PRH1: variants seen among roughly 807,000 people sequenced by gnomAD.
PRH1 encodes salivary acidic proline-rich phosphoprotein 1/2.
A neutral mutation model predicts 7.9 loss-of-function variants in PRH1; 7 were observed. The observed-to-expected ratio is 0.89, with a 90% CI of 0.50 to 1.67. The LOEUF is 1.67. Among genes scored for constraint, PRH1 ranks in the 40% most tolerant of loss-of-function variants. The probability of loss-of-function intolerance (pLI) is 0.00; values close to 1 mark genes in which losing one functional copy is unlikely to be tolerated. For missense variants in PRH1, 109 were observed against 223.6 expected (o/e 0.49, Z 3.27); for synonymous variants, 45 against 80.8 (o/e 0.56, Z 2.38).
chr12:10,986,967 G>T, intron 1 of PRH1: 2 of 781,910 alleles, frequency 2.6e-6, no homozygotes, highest in Non-Finnish European at 3.8e-6. Context: ...TGAATGTGCA[G>T]TAACATTCTT....
At chr12:11,013,373 A>C (rs1417035710) in intron 1 of PRH1, among the ~76,000 whole-genome samples, 5 of 152,162 alleles carry the variant, frequency 3.3e-5, no homozygotes, top group Admixed American at 3.3e-4. Flanking sequence ...TCAACAAATG[A>C]TACTGAGAAC....
intron 1 of PRH1, among the ~76,000 whole-genome samples, chr12:10,993,729 C>G (rs985391531): frequency 1.3e-5 from 2 of 148,694 alleles, no homozygotes; most frequent in Non-Finnish European, 3.0e-5. Context: ...GGAACTAGAA[C>G]AAAAAATGCC....
In PRH1 at chr12:11,138,357, A is replaced by G. The variant is rs565923012; in HGVS notation, n.40-17177T>C. On this transcript the variant is annotated intron_variant and non_coding_transcript_variant, in intron 1 of 1. Coordinates refer to the PRH1 transcript ENST00000541175. The stretch of plus-strand genomic sequence containing the variant: ...AACATACTCAAAGATCATGCTAAAT[A>G]TGTTTTACACCTTAACAAATTTGCC... Among the ~76,000 whole-genome samples the G allele has an allele frequency of 7.7e-4, 118 of 152,344 alleles. 1 individual carries two copies. The East Asian group carries it at 9.4e-3, about 12-fold the overall frequency.
chr12:11,074,609 G>GC (rs1944222099), intron 1 of PRH1, among the ~76,000 whole-genome samples: 1 of 115,712 alleles, frequency 8.6e-6, no homozygotes, highest in East Asian at 2.1e-4. Context: ...TAAGTAGAAA[G>GC]TGGGAAACAT....
At chr12:11,032,531 G>C (rs1942270204) in intron 1 of PRH1, among the ~76,000 whole-genome samples, 1 of 152,050 alleles carries the variant, frequency 6.6e-6, no homozygotes, top group East Asian at 1.9e-4. Flanking sequence ...CTTATGAATG[G>C]AACAAATTAT....
rs148032475 is a variant in PRH1 at position 11,104,966 on chromosome 12, C to T, written n.124-57778G>A. On this transcript the variant is annotated intron_variant and non_coding_transcript_variant, in intron 1 of 4. Transcript: ENST00000541977. ...TTTCATTCTATGACTATTTCATATACACTTATTAATAATGCCTTATATATT... is the reference window on the plus strand; with the variant it reads ...TTTCATTCTATGACTATTTCATATATACTTATTAATAATGCCTTATATATT... Among the ~76,000 whole-genome samples the T allele has an allele frequency of 9.8e-3, 1,483 of 151,722 alleles. 17 individuals carry two copies. Among genetic ancestry groups the T allele is most frequent in the Non-Finnish European group, 0.012 (825 of 67,848 alleles).
intron 1 of PRH1, among the ~76,000 whole-genome samples, chr12:11,090,342 C>T (rs1002484077): frequency 8.6e-6 from 1 of 116,420 alleles, no homozygotes; most frequent in African/African-American, 2.9e-5. Context: ...TTTGAGTTCT[C>T]TTATCTGAAG....
chr12:11,105,063 A>C (rs1945370311), intron 1 of PRH1, among the ~76,000 whole-genome samples: 1 of 151,944 alleles, frequency 6.6e-6, no homozygotes. Context: ...TCTTGTTATA[A>C]GTAACTGTAA....
At chr12:11,056,383 T>G (rs905013987) in intron 1 of PRH1, among the ~76,000 whole-genome samples, 5 of 151,890 alleles carry the variant, frequency 3.3e-5, no homozygotes, top group African/African-American at 1.2e-4. Flanking sequence ...TCTTGGATTT[T>G]TATTTCCTTT....
chr12:10,926,586 T>C (rs1455659382), intron 2 of PRH1, among the ~76,000 whole-genome samples: 2 of 152,142 alleles, frequency 1.3e-5, no homozygotes, highest in African/African-American at 4.8e-5. Flanking sequence ...GGAACTGATA[T>C]GGGATGTACT....
At chr12:11,012,206 A>T (rs768203920) in intron 1 of PRH1, among the ~76,000 whole-genome samples, 4 of 152,128 alleles carry the variant, frequency 2.6e-5, no homozygotes, top group South Asian at 2.1e-4. Flanking sequence ...ATGGTTTAAG[A>T]TGAATAGATG....
chr12:11,093,515 C>G lies in PRH1; in HGVS notation n.124-46327G>C, dbSNP rs1944994697. On this transcript the variant is annotated intron_variant and non_coding_transcript_variant, in intron 1 of 4. Transcript: ENST00000541977. ...GTCCTATTTTCCCGGGTTTTCAGCC[C>G]ATGAATAATATTTATTTATCAAACA... Among the ~76,000 whole-genome samples the G allele has an allele frequency of 1.7e-5, 2 of 115,584 alleles. 1 individual carries two copies. Among genetic ancestry groups the G allele is most frequent in the South Asian group, 4.7e-4 (2 of 4,234 alleles). 75.8% of individuals were successfully genotyped at this position (115,584 alleles called of 152,430 possible).
chr12:11,081,967 A>G (rs1327678105), intron 1 of PRH1, among the ~76,000 whole-genome samples: 1 of 110,872 alleles, frequency 9.0e-6, no homozygotes, highest in Non-Finnish European at 2.1e-5. Context: ...GGATTAGTTT[A>G]ATATAATTTA....
chr12:11,078,536 G>C (rs529243032), intron 1 of PRH1: 1 of 153,104 alleles, frequency 6.5e-6, no homozygotes, highest in Non-Finnish European at 1.5e-5. Flanking sequence ...TACTCATGTT[G>C]AAGTGAAAAG....
At chr12:11,101,097 T>C (rs1592014306) in intron 1 of PRH1, among the ~76,000 whole-genome samples, 1 of 152,146 alleles carries the variant, frequency 6.6e-6, no homozygotes, top group Non-Finnish European at 1.5e-5. Flanking sequence ...TGTCTATCAA[T>C]CATGGATATT....
rs35207716 is a variant in PRH1 at position 11,064,218 on chromosome 12, C to A, written n.124-17030G>T. ...ACACTTTACCAACTAGGTATGCAACCCTAAACTCCATCGCTTGGTCTGGCC... is the reference window on the plus strand; with the variant it reads ...ACACTTTACCAACTAGGTATGCAACACTAAACTCCATCGCTTGGTCTGGCC... On this transcript the variant is annotated intron_variant and non_coding_transcript_variant, in intron 1 of 4. Coordinates refer to the PRH1 transcript ENST00000541977. Among the ~76,000 whole-genome samples the A allele has an allele frequency of 2.2e-3, 324 of 150,482 alleles. 2 individuals are homozygous for A. The highest frequency in any genetic ancestry group is 3.1e-3 in the Non-Finnish European group (209 of 66,966).
intron 1 of PRH1, among the ~76,000 whole-genome samples, chr12:11,011,372 A>G (rs536759513): frequency 6.6e-6 from 1 of 152,242 alleles, no homozygotes; most frequent in Non-Finnish European, 1.5e-5. Flanking sequence ...TGGAGAACAC[A>G]ATAATTCCCA....
At chr12:10,910,684 T>C (rs1949886117) in intron 2 of PRH1, among the ~76,000 whole-genome samples, 1 of 152,048 alleles carries the variant, frequency 6.6e-6, no homozygotes, top group South Asian at 2.1e-4. Flanking sequence ...CGAAAAAAAG[T>C]GGATTACCAA....
chr12:11,154,612 A>G (rs1310441045), intron 1 of PRH1, among the ~76,000 whole-genome samples: 1 of 152,180 alleles, frequency 6.6e-6, no homozygotes, highest in African/African-American at 2.4e-5. Context: ...TATTATGCAG[A>G]TGAAGTCACC....
Sources: allele counts gnomAD v4.1 joint callset (sites outside exome capture counted in the v4.1 genomes callset), GRCh38; gene constraint gnomAD v4.1.1; transcripts MANE v1.5; gene names NCBI Gene and HGNC (gene_info 2026-07-23, HGNC 2026-07-21).